RPS9: variants seen among roughly 807,000 people sequenced by gnomAD.
RPS9 encodes small ribosomal subunit protein uS4.
Under a neutral mutation model 16.9 loss-of-function variants are expected in RPS9, and 1 was observed. The ratio of observed to expected loss-of-function variants is 0.06; its 90% CI spans 0.02 to 0.28. RPS9 has a LOEUF of 0.28. RPS9 is among the 10% of genes least tolerant of loss of function. RPS9 has a pLI of 1.00. For missense variants in RPS9, 137 were observed against 273.2 expected (o/e 0.50, Z 3.51); for synonymous variants, 106 against 110.9 (o/e 0.96, Z 0.28).
intron 3 of RPS9, among the ~76,000 whole-genome samples, chr19:54,202,171 G>A (rs12459060): frequency 4.6e-5 from 7 of 151,904 alleles, no homozygotes; most frequent in Non-Finnish European, 5.9e-5. Flanking sequence ...ACAGACAGGC[G>A]CACGCCACCA....
At position 54,201,587 on chromosome 19, in the gene RPS9, G is replaced by A. The variant is rs1480582186; in HGVS notation, c.198G>A (p.Lys66=). ...AARELLTLDE[K]DPRRLFEGNA... is the part of the protein sequence containing the mutation. ...GGGAACTGCTGACGCTTGATGAGAAGGACCCACGGCGTCTGTTCGAAGGTG... is the reference window on the plus strand; with the variant it reads ...GGGAACTGCTGACGCTTGATGAGAAAGACCCACGGCGTCTGTTCGAAGGTG... Residue 66 remains lysine, a synonymous_variant, in exon 3 of 5, where the codon AAG becomes AAA. Transcript: ENST00000302907. The A allele has an allele frequency of 2.5e-6, 4 of 1,614,022 alleles. No individual in the cohort carries two copies. Among genetic ancestry groups the A allele is most frequent in the South Asian group, 2.2e-5 (2 of 91,078 alleles).
At chr19:54,203,771 T>TCCCCCCCCCCCCCCC (rs11439192) in intron 3 of RPS9, among the ~76,000 whole-genome samples, 7 of 111,638 alleles carry the variant, frequency 6.3e-5, no homozygotes, top group African/African-American at 8.9e-5. Flanking sequence ...CAACACGAAC[T>TCCCCCCCCCCCCCCC]CCCCCCCCAC....
Position 54,201,557 on chromosome 19 carries a change from C to T in RPS9, c.168C>T (p.Ala56=). ...TTACCCTGGCCAAGATCCGCAAGGC[C>T]GCCCGGGAACTGCTGACGCTTGATG... The part of the protein sequence containing the change: ...VKFTLAKIRK[A]ARELLTLDEK... The change falls in exon 3 of 5, where the codon GCC becomes GCT. Residue 56 remains alanine (A), a synonymous_variant. Coordinates refer to ENST00000302907, the MANE Select transcript of RPS9 (RefSeq NM_001013.4). 1 of 1,614,066 alleles carries T rather than the reference C, an allele frequency of 6.2e-7. No homozygotes were observed.
intron 3 of RPS9, among the ~76,000 whole-genome samples, chr19:54,205,086 A>G (rs1011698625): frequency 6.6e-6 from 1 of 152,218 alleles, no homozygotes; most frequent in Non-Finnish European, 1.5e-5. Flanking sequence ...AGCTTGCTTG[A>G]ATGGTTTGCT....
rs931015956 is a variant in RPS9 at position 54,206,911 on chromosome 19, G to C, written c.407+449G>C. ...TTGAGGGGGAGGAGCTGTACAGAAA[G>C]AGGGCAAGATGTTTGCGTTTAGAAT... On this transcript the variant is annotated intron_variant, in intron 4 of 4. Transcript: ENST00000302907. 3 of 546,726 alleles carry C rather than the reference G, an allele frequency of 5.5e-6. No homozygotes were observed. In the African/African-American group the frequency reaches 5.6e-5, roughly 10 times the overall value. 33.9% of individuals were successfully genotyped at this position (546,726 alleles called of 1,614,324 possible). A position where few individuals can be genotyped will look rare whatever the true frequency, so the allele number is the denominator to read the frequency against.
chr19:54,203,440 C>G (rs1215503234), intron 3 of RPS9: 6 of 374,868 alleles, frequency 1.6e-5, no homozygotes, highest in Non-Finnish European at 2.2e-5. Flanking sequence ...TAAGACTGAA[C>G]AGCCGCCAAC....
Position 54,206,885 on chromosome 19 carries a change from A to G in RPS9, c.407+423A>G, listed in dbSNP as rs1336501434. The G allele has an allele frequency of 2.3e-5, 14 of 608,090 alleles. 1 individual carries two copies. In the Admixed American group the frequency reaches 4.2e-4, roughly 18 times the overall value. 37.7% of individuals were successfully genotyped at this position (608,090 alleles called of 1,614,324 possible). On this transcript the variant is annotated intron_variant, in intron 4 of 4. Coordinates refer to ENST00000302907, the MANE Select transcript of RPS9 (RefSeq NM_001013.4). ...TGTGCCCTTTCTGTAATGTGGCACC[A>G]TTGAGGGGGAGGAGCTGTACAGAAA...
intron 4 of RPS9, chr19:54,206,693 G>T: frequency 6.6e-7 from 1 of 1,523,214 alleles, no homozygotes; most frequent in South Asian, 1.2e-5. Context: ...ACCTTGTGAA[G>T]GCCTCTGCCA....
At position 54,200,887 on chromosome 19, in the gene RPS9, A is replaced by G. The variant is rs2077017208; in HGVS notation, c.-27A>G. On this transcript the variant is annotated splice_region_variant and 5_prime_UTR_variant, in exon 1 of 5. Transcript: ENST00000302907. ...TTCTCAGTGACCGGGTGGTTTGCTT[A>G]GGTGAGGTGCGGTGGTGTGCTTTTT... 1 of 843,878 alleles carries G rather than the reference A, an allele frequency of 1.2e-6. No homozygotes were observed. The highest frequency in any genetic ancestry group is 4.7e-5 in the Admixed American group (1 of 21,240). The allele number at this position is 843,878 out of a possible 1,614,324, so 52.3% of individuals were successfully genotyped here.
intron 3 of RPS9, chr19:54,203,138 T>G: frequency 1.0e-6 from 1 of 956,772 alleles, no homozygotes; most frequent in Non-Finnish European, 1.2e-6. Context: ...GTTCTGGTTT[T>G]AGGGAGGACT....
At chr19:54,201,777 T>C in intron 3 of RPS9, 168 bp downstream of exon 3, 1 of 1,385,976 alleles carries the variant, frequency 7.2e-7, no homozygotes, top group Non-Finnish European at 9.5e-7. Context: ...TCTGGATCAG[T>C]CTTTGCCCTG....
chr19:54,206,524 T>C, intron 4 of RPS9, 62 bp downstream of exon 4: 2 of 1,600,514 alleles, frequency 1.2e-6, no homozygotes, highest in African/African-American at 1.3e-5. Flanking sequence ...TTGCCCTCAC[T>C]AAGCCTGCTG....
rs1190464094 is a variant in RPS9, at chr19:54,201,290, C to T, written c.97+9C>T. 1.2e-6 allele frequency: 2 copies of T among 1,614,012 alleles called. No homozygotes were observed. The highest frequency in any genetic ancestry group is 1.7e-6 in the Non-Finnish European group (2 of 1,179,996). On this transcript the variant is annotated intron_variant, in intron 2 of 4. Transcript: ENST00000302907. ...AGAGCTGAAGCTGATCGGTGAGTGG[C>T]CAAGGCTTCCGGGAAGTGGTTCGGC...
chr19:54,201,095 G>T, intron 1 of RPS9, 65 bp from the exon 2 acceptor site: 2 of 1,586,144 alleles, frequency 1.3e-6, no homozygotes, highest in Non-Finnish European at 1.7e-6. Flanking sequence ...CGAGGTTTTG[G>T]CGTAGTTGTG....
intron 4 of RPS9, 100 bp from the exon 5 acceptor site, chr19:54,207,298 T>C (rs945363111): frequency 1.6e-5 from 16 of 1,012,372 alleles, no homozygotes; most frequent in Non-Finnish European, 2.4e-5. Flanking sequence ...TCTGCAGCCG[T>C]GGCGGCCTCA....
chr19:54,201,689 G>A (rs1223878405), intron 3 of RPS9, 80 bp downstream of exon 3: 45 of 1,581,360 alleles, frequency 2.8e-5, no homozygotes, highest in Admixed American at 5.4e-5. Context: ...CTCTGTTCCA[G>A]TGATGAGAGT....
At chr19:54,203,487 A>G (rs565567212) in intron 3 of RPS9, 2 of 184,518 alleles carry the variant, frequency 1.1e-5, no homozygotes, top group Non-Finnish European at 2.1e-5. Context: ...GATAGAGGCC[A>G]GGCGTGGTGG....
At position 54,207,404 on chromosome 19, in the gene RPS9, C is replaced by T. The variant is rs752003498; in HGVS notation, c.414C>T (p.Arg138=). 2.2e-5 allele frequency: 36 copies of T among 1,610,442 alleles called. No individual in the cohort carries two copies. The highest frequency in any genetic ancestry group is 2.9e-5 in the Non-Finnish European group (34 of 1,177,772). Residue 138 remains arginine, a synonymous_variant, in exon 5 of 5, where the codon CGC becomes CGT. Coordinates refer to ENST00000302907, the MANE Select transcript of RPS9 (RefSeq NM_001013.4). ...ACCTTGTCGCTGCTTCCAGGGTCCG[C>T]AAGCAGGTGGTGAACATCCCGTCCT... The part of the protein sequence containing the change: ...VLIRQRHIRV[R]KQVVNIPSFI...
chr19:54,201,445 A>G lies in RPS9; in HGVS notation c.98-42A>G, dbSNP rs188702289. 379 of 1,612,782 alleles carry G rather than the reference A, an allele frequency of 2.3e-4. 1 individual carries two copies. The Admixed American group carries it at 3.5e-3, about 15-fold the overall frequency. On this transcript the variant is annotated intron_variant, in intron 2 of 4. Coordinates refer to ENST00000302907, the MANE Select transcript of RPS9 (RefSeq NM_001013.4). ...AAGCTGCCAGTCTAGTTGTTGTGCC[A>G]GTACGTGGGACTACACTTGTCCACC...
Sources: gnomAD v4.1 joint callset for allele counts (sites outside exome capture counted in the v4.1 genomes callset) on GRCh38, gnomAD v4.1.1 for gene constraint, MANE v1.5 for transcripts, NCBI Gene and HGNC (gene_info 2026-07-23, HGNC 2026-07-21) for gene names.